Variants in PPAN observed in about 807,000 individuals in gnomAD.
The protein encoded by PPAN is peter pan homolog, also known as suppressor of SWI4 1 homolog.
In PPAN, 39 loss-of-function variants were observed where a neutral mutation model predicts 48.5. The observed-to-expected ratio is 0.80, with a 90% CI of 0.62 to 1.05. PPAN has a LOEUF of 1.05. Among genes scored for constraint, PPAN ranks in the 50% least tolerant of loss-of-function variants. PPAN has a pLI of 0.00. For missense variants in PPAN, 736 were observed against 661.7 expected (o/e 1.11, Z -1.23); for synonymous variants, 315 against 268.6 (o/e 1.17, Z -1.69).
chr19:10,111,350 CAG>C lies in PPAN; in HGVS notation c.*190_*191del. The C allele has an allele frequency of 2.5e-6, 2 of 798,128 alleles. No homozygotes were observed. The highest frequency in any genetic ancestry group is 2.9e-5 in the Admixed American group (1 of 34,128). 49.4% of individuals were successfully genotyped at this position (798,128 alleles called of 1,614,324 possible). A position where few individuals can be genotyped will look rare whatever the true frequency, so the allele number is the denominator to read the frequency against. On this transcript the variant is annotated 3_prime_UTR_variant, in exon 12 of 12. Coordinates refer to ENST00000253107, the MANE Select transcript of PPAN (RefSeq NM_020230.7). The stretch of plus-strand genomic sequence containing the variant: ...GATTCTGGAGCCATACAAAGCAACC[CAG>C]AGAGTCCTGGGCCGGCCACACCCGA...
At chr19:10,109,548 C>T (rs1252175236) in intron 5 of PPAN, 83 bp from the exon 6 acceptor site, 1 of 1,437,290 alleles carries the variant, frequency 7.0e-7, no homozygotes, top group East Asian at 2.3e-5. Context: ...AGTCCACGAA[C>T]AGTGTGTGTA....
In PPAN at chr19:10,110,372, G is replaced by A. The variant is rs370405248; in HGVS notation, c.871G>A (p.Gly291Arg). 1.2e-5 allele frequency: 20 copies of A among 1,613,732 alleles called. No individual in the cohort carries two copies. The highest frequency in any genetic ancestry group is 1.1e-4 in the African/African-American group (8 of 75,006). Reference sequence around the variant, plus strand: ...GCTCATCAAGGTCCAGGAGGGCGTCGGGGAGGGCAAAGTGATGTTCCACAG... The same window carrying A: ...GCTCATCAAGGTCCAGGAGGGCGTCAGGGAGGGCAAAGTGATGTTCCACAG... ...LQLIKVQEGV[G>R]EGKVMFHSFV... is the part of the protein sequence containing the mutation. Residue 291 changes from glycine (G) to arginine (R), a missense_variant, in exon 9 of 12, where the codon GGG becomes AGG. Coordinates refer to ENST00000253107, the MANE Select transcript of PPAN (RefSeq NM_020230.7). This position sits in a 1 kb window ranked among gnomAD's most constrained non-coding sequence, Gnocchi z 5.9.
At position 10,110,596 on chromosome 19, in the gene PPAN, A is replaced by T. The variant is rs2089018162; in HGVS notation, c.1013A>T (p.Glu338Val). 2 of 1,603,448 alleles carry T rather than the reference A, an allele frequency of 1.2e-6. No individual in the cohort carries two copies. Among genetic ancestry groups the T allele is most frequent in the Non-Finnish European group, 8.5e-7 (1 of 1,175,782 alleles). Residue 338 changes from glutamate (E) to valine (V), a missense_variant, in exon 10 of 12, where the codon GAG (glutamate) becomes GTG (valine). Coordinates refer to ENST00000253107, the MANE Select transcript of PPAN (RefSeq NM_020230.7). The surrounding 1 kb of genome is among the most constrained non-coding windows in gnomAD (Gnocchi z 5.9). ...QQAQNVQRKQ[E>V]QREAHRKKSL... ...GCCCAGAATGTGCAGCGCAAGCAGG[A>T]GCAGCGGGAGGCCCACAGGTCCAGG...
upstream of PPAN, chr19:10,106,293 G>T: frequency 1.3e-6 from 2 of 1,528,850 alleles, no homozygotes; most frequent in Non-Finnish European, 8.8e-7. Context: ...GCGCAGGCCC[G>T]CCTGATGTCG....
chr19:10,106,259 C>T (rs566696390), upstream of PPAN: 4 of 1,451,992 alleles, frequency 2.8e-6, no homozygotes, highest in South Asian at 2.7e-5. Context: ...GATTGCCCCT[C>T]CCCGCTCCCA....
At position 10,110,999 on chromosome 19, in the gene PPAN, G is replaced by A. The variant is rs200572062; in HGVS notation, c.1256G>A (p.Arg419Gln). Residue 419 changes from arginine to glutamine, a missense_variant, in exon 12 of 12, where the codon CGG becomes CAG. By Grantham distance (43) the Arg-to-Gln change is conservative (BLOSUM62 1). Transcript: ENST00000253107. This position sits in a 1 kb window ranked among gnomAD's most constrained non-coding sequence, Gnocchi z 5.9. ...KRLAKSPGRKRKRWEMDRGRG... is the reference protein window; with the variant it reads ...KRLAKSPGRKQKRWEMDRGRG... The stretch of plus-strand genomic sequence containing the variant: ...CTTGCCAAGTCTCCAGGGCGGAAGC[G>A]GAAGCGGTGGGAAATGGATCGAGGC... 34 of 1,613,254 alleles carry A rather than the reference G, an allele frequency of 2.1e-5. No individual in the cohort carries two copies. The Admixed American group carries it at 2.2e-4, about 10-fold the overall frequency.
intron 2 of PPAN, 156 bp downstream of exon 2, chr19:10,106,827 T>G (rs1242004734): frequency 1.6e-6 from 2 of 1,254,338 alleles, no homozygotes; most frequent in African/African-American, 1.5e-5. Flanking sequence ...TTTCAGGGCT[T>G]TTGCTGGGCT....
At chr19:10,107,772 TC>T (rs1410347128) in intron 3 of PPAN, 31 bp from the exon 4 acceptor site, 1 of 1,613,648 alleles carries the variant, frequency 6.2e-7, no homozygotes, top group Non-Finnish European at 8.5e-7. Context: ...GCTAGACCCC[TC>T]CAGAGTCACT....
Position 10,111,220 on chromosome 19 carries a change from G to T in PPAN, c.*55G>T. 1 of 1,461,820 alleles carries T rather than the reference G, an allele frequency of 6.8e-7. No individual in the cohort carries two copies. The highest frequency in any genetic ancestry group is 9.0e-7 in the Non-Finnish European group (1 of 1,105,088). 90.6% of individuals were successfully genotyped at this position (1,461,820 alleles called of 1,614,324 possible). A position where few individuals can be genotyped will look rare whatever the true frequency, so the allele number is the denominator to read the frequency against. On this transcript the variant is annotated 3_prime_UTR_variant, in exon 12 of 12. Coordinates refer to ENST00000253107, the MANE Select transcript of PPAN (RefSeq NM_020230.7). ...TTGAACGCCCCAGATTGGGGCCCGA[G>T]ATGTGGCCCTCGGTTTCCTTTCATA...
At position 10,106,398 on chromosome 19, in the gene PPAN, G is replaced by A. The variant is rs1420067763; in HGVS notation, c.4G>A (p.Gly2Arg). The A allele has an allele frequency of 9.0e-6, 14 of 1,549,706 alleles. No individual in the cohort carries two copies. Among genetic ancestry groups the A allele is most frequent in the Non-Finnish European group, 1.2e-5 (14 of 1,145,916 alleles). ...GCCTCGTGGAGGACACAGCAGCATG[G>A]GACAGTCAGGGAGGGTAAGGCCCGG... is the stretch of plus-strand genomic sequence containing the variant. Reference protein sequence around the residue: MGQSGRSRHQKR... With the variant: MRQSGRSRHQKR... The change falls in exon 1 of 12, where the codon GGA becomes AGA. Residue 2 changes from glycine (G) to arginine (R), a missense_variant. Gly to Arg is a moderately radical substitution (Grantham distance 125). Coordinates refer to ENST00000253107, the MANE Select transcript of PPAN (RefSeq NM_020230.7).
Position 10,106,619 on chromosome 19 carries a change from T to C in PPAN, c.137T>C (p.Leu46Pro). 1 of 1,551,210 alleles carries C rather than the reference T, an allele frequency of 6.4e-7. No individual in the cohort carries two copies. The highest frequency in any genetic ancestry group is 8.7e-7 in the Non-Finnish European group (1 of 1,148,490). Residue 46 changes from leucine (L) to proline (P), a missense_variant, in exon 2 of 12, where the codon CTC becomes CCC. Leu to Pro is a moderately conservative substitution (Grantham distance 98, BLOSUM62 -3). Coordinates refer to ENST00000253107, the MANE Select transcript of PPAN (RefSeq NM_020230.7). ...RGCTGRNIRQ[L>P]SLDVRRVMEP... ...TGCACGGGTCGCAACATCCGGCAGC[T>C]CAGCCTGGACGTGCGGCGGGTCATG...
intron 5 of PPAN, 27 bp from the exon 6 acceptor site, chr19:10,109,604 G>T: frequency 6.2e-7 from 1 of 1,605,872 alleles, no homozygotes; most frequent in Non-Finnish European, 8.5e-7. Context: ...GAGTCTACTG[G>T]ACTATGCTCT....
Position 10,106,638 on chromosome 19 carries a change from G to A in PPAN, c.156G>A (p.Arg52=). ...GGCAGCTCAGCCTGGACGTGCGGCG[G>A]GTCATGGAGCCGCTCACTGCCAGCC... ...NIRQLSLDVR[R]VMEPLTASRL... The change falls in exon 2 of 12, where the codon CGG becomes CGA. Residue 52 remains arginine, a synonymous_variant. Coordinates refer to ENST00000253107, the MANE Select transcript of PPAN (RefSeq NM_020230.7). 2 of 1,546,434 alleles carry A rather than the reference G, an allele frequency of 1.3e-6. No individual in the cohort carries two copies. Among genetic ancestry groups the A allele is most frequent in the Non-Finnish European group, 1.7e-6 (2 of 1,145,728 alleles).
rs775075029 is a variant in PPAN at position 10,106,671 on chromosome 19, G to C, written c.189G>C (p.Gln63His). The change falls in exon 2 of 12, where the codon CAG becomes CAC. Residue 63 changes from glutamine (Q) to histidine (H), a missense_variant and splice_region_variant. Coordinates refer to ENST00000253107, the MANE Select transcript of PPAN (RefSeq NM_020230.7). ...VMEPLTASRLQVRKKNSLKDC... is the reference protein window; with the variant it reads ...VMEPLTASRLHVRKKNSLKDC... ...AGCCGCTCACTGCCAGCCGTCTGCA[G>C]GTTTGTACCCCACCCCCAGCCCGCC... 6.5e-7 allele frequency: 1 copy of C among 1,528,988 alleles called. No individual in the cohort carries two copies. Among genetic ancestry groups the C allele is most frequent in the African/African-American group, 1.4e-5 (1 of 72,944 alleles). The allele number at this position is 1,528,988 out of a possible 1,614,324, so 94.7% of individuals were successfully genotyped here.
intron 6 of PPAN, 40 bp downstream of exon 6, chr19:10,109,747 G>C (rs747127600): frequency 1.7e-5 from 28 of 1,605,202 alleles, no homozygotes; most frequent in East Asian, 8.9e-5. Context: ...GGGGTGCCGG[G>C]TGGGGGCCTC....
Position 10,111,629 on chromosome 19 carries a change from TGGGGCTGGGGCA to T in PPAN, c.*468_*479del. 1 of 1,527,156 alleles carries T rather than the reference TGGGGCTGGGGCA, an allele frequency of 6.5e-7. No individual in the cohort carries two copies. 94.6% of individuals were successfully genotyped at this position (1,527,156 alleles called of 1,614,324 possible). ...TGCTGGCTGGGCCAGTAACTGGGGA[TGGGGCTGGGGCA>T]GGGCCCACTAAGCCACTGGTGACTG... On this transcript the variant is annotated 3_prime_UTR_variant, in exon 12 of 12. Transcript: ENST00000253107.
chr19:10,106,685 C>T lies in PPAN; in HGVS notation c.189+14C>T. On this transcript the variant is annotated intron_variant, in intron 2 of 11. Coordinates refer to ENST00000253107, the MANE Select transcript of PPAN (RefSeq NM_020230.7). Reference sequence around the variant, plus strand: ...AGCCGTCTGCAGGTTTGTACCCCACCCCCAGCCCGCCTCCACCCACCCTCG... The same window carrying T: ...AGCCGTCTGCAGGTTTGTACCCCACTCCCAGCCCGCCTCCACCCACCCTCG... The T allele has an allele frequency of 6.6e-7, 1 of 1,515,718 alleles. No homozygotes were observed. The highest frequency in any genetic ancestry group is 8.9e-7 in the Non-Finnish European group (1 of 1,125,932). 93.9% of individuals were successfully genotyped at this position (1,515,718 alleles called of 1,614,324 possible).
Position 10,106,531 on chromosome 19 carries a change from G to A in PPAN, c.49G>A (p.Ala17Thr). ...GCACCAGAAGCGCGCCCGCGCCCAG[G>A]CGCAGCTCCGCAACCTCGAGGCCTA... ...SRHQKRARAQ[A>T]QLRNLEAYAA... Residue 17 changes from alanine to threonine, a missense_variant, in exon 2 of 12, where the codon GCG becomes ACG. Physicochemically the swap from Ala to Thr is moderately conservative, Grantham distance 58 (BLOSUM62 0). Coordinates refer to ENST00000253107, the MANE Select transcript of PPAN (RefSeq NM_020230.7). The A allele has an allele frequency of 6.4e-7, 1 of 1,553,860 alleles. No individual in the cohort carries two copies. Among genetic ancestry groups the A allele is most frequent in the Non-Finnish European group, 8.7e-7 (1 of 1,148,784 alleles).
At position 10,110,731 on chromosome 19, in the gene PPAN, G is replaced by A; in HGVS notation, c.1066G>A (p.Val356Ile). 1 of 1,613,948 alleles carries A rather than the reference G, an allele frequency of 6.2e-7. No homozygotes were observed. The highest frequency in any genetic ancestry group is 8.5e-7 in the Non-Finnish European group (1 of 1,179,982). The change falls in exon 11 of 12, where the codon GTC (valine) becomes ATC (isoleucine). Residue 356 changes from valine to isoleucine, a missense_variant. Coordinates refer to ENST00000253107, the MANE Select transcript of PPAN (RefSeq NM_020230.7). The surrounding 1 kb of genome is among the most constrained non-coding windows in gnomAD (Gnocchi z 5.9). ...CCTGGAGGGCATGAAGAAGGCACGG[G>A]TCGGGGGTAGTGATGAAGAGGCCTC... ...KSLEGMKKAR[V>I]GGSDEEASGI...
Sources: gnomAD v4.1 joint callset for allele counts on GRCh38, gnomAD v4.1.1 for gene constraint, Gnocchi (gnomAD v3.1) non-coding constraint, MANE v1.5 for transcripts, NCBI Gene and HGNC (gene_info 2026-07-23, HGNC 2026-07-21) for gene names.